NEDD4: variants seen among roughly 807,000 people sequenced by gnomAD.
NEDD4 encodes the protein E3 ubiquitin-protein ligase NEDD4.
In NEDD4, 99 loss-of-function variants were observed where a neutral mutation model predicts 144.9. The observed-to-expected ratio is 0.68, with a 90% CI of 0.58 to 0.81. The LOEUF (loss-of-function observed/expected upper bound fraction) is 0.81. Among genes scored for constraint, NEDD4 ranks in the 30% least tolerant of loss-of-function variants. The pLI, the probability that NEDD4 is intolerant of heterozygous loss-of-function variation, is 0.00. For missense variants in NEDD4, 985 were observed against 1,065.9 expected (o/e 0.92, Z 1.06); for synonymous variants, 318 against 350.6 (o/e 0.91, Z 1.04).
intron 2 of NEDD4, among the ~76,000 whole-genome samples, chr15:55,952,243 AG>A (rs1461623083): frequency 6.6e-6 from 1 of 151,980 alleles, no homozygotes; most frequent in African/African-American, 2.4e-5. Flanking sequence ...CTGAGGCAGG[AG>A]AATGGCATGA....
At chr15:55,981,248 T>C (rs8029247) in intron 1 of NEDD4, among the ~76,000 whole-genome samples, 48,720 of 151,766 alleles carry the variant, frequency 0.32, 7,923 homozygotes, top group South Asian at 0.39. Context: ...GGGATTCTCA[T>C]ATATCACCTC....
chr15:55,973,630 G>C lies in NEDD4; in HGVS notation c.46-7084C>G, dbSNP rs1480652582. ...AGAAATCAATAACAAGAGGAACTTG[G>C]AAATTAATACAAACAAATGGAAATT... On this transcript the variant is annotated intron_variant, in intron 1 of 28. Coordinates refer to ENST00000435532, the MANE Select transcript of NEDD4 (RefSeq NM_006154.4). Among the ~76,000 whole-genome samples, 8 of 147,720 alleles carry C rather than the reference G, an allele frequency of 5.4e-5. No homozygotes were observed. In the South Asian group the frequency reaches 6.4e-4, roughly 12 times the overall value.
At chr15:55,888,763 T>C (rs1265294860) in intron 5 of NEDD4, among the ~76,000 whole-genome samples, 3 of 152,066 alleles carry the variant, frequency 2.0e-5, no homozygotes, top group African/African-American at 7.2e-5. Flanking sequence ...GACAGACCAA[T>C]GGAACAGAAT....
intron 4 of NEDD4, among the ~76,000 whole-genome samples, chr15:55,928,656 C>T (rs1308432936): frequency 1.3e-5 from 2 of 152,222 alleles, no homozygotes; most frequent in South Asian, 2.1e-4. Context: ...ACACTGTGCT[C>T]ATCATTCAAG....
chr15:55,973,962 T>C (rs1471064908), intron 1 of NEDD4, among the ~76,000 whole-genome samples: 1 of 151,418 alleles, frequency 6.6e-6, no homozygotes, highest in East Asian at 1.9e-4. Context: ...TGAAACAGAA[T>C]ATAATACAAA....
At chr15:55,886,804 C>T (rs1225193666) in intron 5 of NEDD4, among the ~76,000 whole-genome samples, 1 of 150,760 alleles carries the variant, frequency 6.6e-6, no homozygotes, top group African/African-American at 2.4e-5. Context: ...CTTCTCTGAC[C>T]ACAAAGGAAT....
At chr15:55,914,024 T>G (rs1177105007) in intron 5 of NEDD4, among the ~76,000 whole-genome samples, 1 of 151,960 alleles carries the variant, frequency 6.6e-6, no homozygotes, top group African/African-American at 2.4e-5. Context: ...AAATGGAATT[T>G]AAAATTCTAA....
At chr15:55,848,602 T>C (rs1357962140) in intron 15 of NEDD4, 27 bp from the exon 16 acceptor site, 2 of 1,596,428 alleles carry the variant, frequency 1.3e-6, no homozygotes, top group Non-Finnish European at 1.7e-6. Context: ...ATTTCAATTA[T>C]TTTAGGAGAG....
intron 1 of NEDD4, among the ~76,000 whole-genome samples, chr15:55,990,036 C>CTTA (rs2037963987): frequency 1.3e-5 from 2 of 151,870 alleles, no homozygotes; most frequent in Non-Finnish European, 2.9e-5. Context: ...TTATAAGAAT[C>CTTA]TAATGCCTGA....
At chr15:55,839,991 AAAAAAAAAATATATATATATAT>A in intron 21 of NEDD4, among the ~76,000 whole-genome samples, 1 of 56,786 alleles carries the variant, frequency 1.8e-5, no homozygotes, top group South Asian at 7.5e-4. Context: ...AAAAAAAAAA[AAAAAAAAAATATATATATATAT>A]ATATATATAT....
In NEDD4 at chr15:55,856,344, T is replaced by C. The variant is rs149899893; in HGVS notation, c.961-148A>G. 587 of 689,866 alleles carry C rather than the reference T, an allele frequency of 8.5e-4. 2 individuals carry two copies. The African/African-American group carries it at 9.6e-3, about 11-fold the overall frequency. 42.7% of individuals were successfully genotyped at this position (689,866 alleles called of 1,614,324 possible). A position where few individuals can be genotyped will look rare whatever the true frequency, so the allele number is the denominator to read the frequency against. ...TGTTGAGAGTGCAGGCTGAGTCATG[T>C]GGTCGCTCTCAGCCCCCTACGTGGA... On this transcript the variant is annotated intron_variant, in intron 11 of 28. Transcript: ENST00000435532.
intron 1 of NEDD4, among the ~76,000 whole-genome samples, chr15:55,984,554 G>A (rs1460727616): frequency 6.6e-6 from 1 of 152,106 alleles, no homozygotes; most frequent in Non-Finnish European, 1.5e-5. Context: ...CTTTATTGAC[G>A]GCCATGATTG....
At chr15:55,904,647 T>G (rs144449030) in intron 5 of NEDD4, among the ~76,000 whole-genome samples, 2 of 152,302 alleles carry the variant, frequency 1.3e-5, no homozygotes, top group East Asian at 3.9e-4. Context: ...TTCTTCTGAG[T>G]GACAGGTATG....
chr15:55,980,999 T>C (rs1192380489), intron 1 of NEDD4, among the ~76,000 whole-genome samples: 1 of 150,400 alleles, frequency 6.6e-6, no homozygotes, highest in Non-Finnish European at 1.5e-5. Flanking sequence ...AAACAAAATA[T>C]TCAACAAAAA....
intron 4 of NEDD4, among the ~76,000 whole-genome samples, chr15:55,932,220 A>G (rs1035222852): frequency 6.6e-6 from 1 of 152,192 alleles, no homozygotes; most frequent in Non-Finnish European, 1.5e-5. Flanking sequence ...AGACAATCCT[A>G]AGCCAAAAGA....
At chr15:55,919,094 T>TG (rs1380711349) in intron 5 of NEDD4, among the ~76,000 whole-genome samples, 1 of 152,188 alleles carries the variant, frequency 6.6e-6, no homozygotes, top group Non-Finnish European at 1.5e-5. Context: ...AGCTTCACTA[T>TG]AAGCATCAGT....
At chr15:55,852,685 CTAGAAATATA>C (rs1444548200) in intron 12 of NEDD4, 142 bp from the exon 13 acceptor site, 1 of 188,506 alleles carries the variant, frequency 5.3e-6, no homozygotes. Flanking sequence ...TTTGCCTTTT[CTAGAAATATA>C]TATATATATA....
intron 4 of NEDD4, among the ~76,000 whole-genome samples, chr15:55,945,970 C>G (rs2037104515): frequency 6.6e-6 from 1 of 152,082 alleles, no homozygotes; most frequent in South Asian, 2.1e-4. Flanking sequence ...ATTTTGTCAC[C>G]ACCAGGCCTG....
chr15:55,929,135 G>A (rs1447362170), intron 4 of NEDD4, among the ~76,000 whole-genome samples: 7 of 152,132 alleles, frequency 4.6e-5, no homozygotes, highest in African/African-American at 1.4e-4. Flanking sequence ...GAAAACCACC[G>A]AAAGAACAGA....
Sources: allele counts gnomAD v4.1 joint callset (sites outside exome capture counted in the v4.1 genomes callset), GRCh38; gene constraint gnomAD v4.1.1; transcripts MANE v1.5; gene names NCBI Gene and HGNC (gene_info 2026-07-23, HGNC 2026-07-21).